The following NPHP3 variants were observed in gnomAD, a reference collection of about 807,000 sequenced individuals.
The protein encoded by NPHP3 is nephrocystin 3.
In NPHP3, 123 loss-of-function variants were observed where a neutral mutation model predicts 171.9. The observed-to-expected ratio is 0.72, with a 90% confidence interval of 0.62 to 0.83. The LOEUF is 0.83. Ranked by LOEUF, NPHP3 falls within the 40% of genes least tolerant of loss-of-function variation. The pLI, the probability that NPHP3 is intolerant of heterozygous loss-of-function variation, is 0.00. For synonymous variants in NPHP3, 558 were observed against 579.2 expected, an observed-to-expected ratio of 0.96 and a Z score of 0.52; for missense variants, 1,506 against 1,591.9, an observed-to-expected ratio of 0.95 and a Z score of 0.92.
At position 132,680,959 on chromosome 3, in the gene NPHP3, AT is replaced by A. The variant is rs1939009897; in HGVS notation, c.*950del. 6.6e-6 allele frequency: 1 copy of A among 152,216 alleles called. No individual in the cohort carries two copies. Among genetic ancestry groups the A allele is most frequent in the African/African-American group, 2.4e-5 (1 of 41,466 alleles). The allele number at this position is 152,216 out of a possible 1,614,324, so 9.4% of individuals were successfully genotyped here. A position where few individuals can be genotyped will look rare whatever the true frequency, so the allele number is the denominator to read the frequency against. On this transcript the variant is annotated 3_prime_UTR_variant, in exon 27 of 27. Coordinates refer to ENST00000337331, the MANE Select transcript of NPHP3 (RefSeq NM_153240.5). ...TGTTACTGCATTAATGACTTCAGAC[AT>A]TATGCAGATACATATACTATATAGT...
In NPHP3 at chr3:132,690,554, G is replaced by T. The variant is rs202226700; in HGVS notation, c.2667C>A (p.Leu889=). ...KQKLHDCLLN[L]FVSQNLYKRG... is the part of the protein sequence containing the mutation. ...TTTTATAAAGGTTTTGAGACACAAA[G>T]AGATTAAGAAGGCAATCATGCAGCT... The change falls in exon 19 of 27, where the codon CTC becomes CTA. Residue 889 remains leucine, a synonymous_variant. Coordinates refer to ENST00000337331, the MANE Select transcript of NPHP3 (RefSeq NM_153240.5). 19 of 1,613,522 alleles carry T rather than the reference G, an allele frequency of 1.2e-5. No homozygotes were observed. Among genetic ancestry groups the T allele is most frequent in the Non-Finnish European group, 1.5e-5 (18 of 1,179,646 alleles).
chr3:132,715,428 T>C (rs1273038229), intron 4 of NPHP3, among the ~76,000 whole-genome samples: 3 of 152,234 alleles, frequency 2.0e-5, no homozygotes, highest in Non-Finnish European at 4.4e-5. Context: ...ATGTCACCAG[T>C]GGTCTTCCCT....
chr3:132,682,105 A>C lies in NPHP3; in HGVS notation c.3813-15T>G. 6.2e-7 allele frequency: 1 copy of C among 1,609,636 alleles called. No homozygotes were observed. Among genetic ancestry groups the C allele is most frequent in the Non-Finnish European group, 8.5e-7 (1 of 1,175,956 alleles). On this transcript the variant is annotated splice_polypyrimidine_tract_variant and intron_variant, in intron 26 of 26. Coordinates refer to ENST00000337331, the MANE Select transcript of NPHP3 (RefSeq NM_153240.5). ...CTCCTTCATAGCTTTGAGAGAGAAA[A>C]CAAAAACTCTTAAAATGAGAATATA...
intron 9 of NPHP3, among the ~76,000 whole-genome samples, chr3:132,702,420 T>A (rs941960790): frequency 6.6e-6 from 1 of 152,190 alleles, no homozygotes; most frequent in Non-Finnish European, 1.5e-5. Context: ...CAGTGTAAAG[T>A]CCAAGAATTC....
At chr3:132,695,769 AC>A (rs1939436998) in intron 15 of NPHP3, among the ~76,000 whole-genome samples, 1 of 152,182 alleles carries the variant, frequency 6.6e-6, no homozygotes, top group African/African-American at 2.4e-5. Flanking sequence ...CCCCGCTTAT[AC>A]TAAAAATACA....
rs1339588306 is a variant in NPHP3, at chr3:132,683,525, C to T, written c.3571-1G>A. ...AAGGTACAGCTTTGTCAAGTTTCCC[C>T]TAAAAAACAAGAGTTAAATCTAACA... is the stretch of plus-strand genomic sequence containing the variant. On this transcript the variant is annotated splice_acceptor_variant, in intron 24 of 26. Coordinates refer to ENST00000337331, the MANE Select transcript of NPHP3 (RefSeq NM_153240.5). LOFTEE classifies it high-confidence loss of function. 6.2e-7 allele frequency: 1 copy of T among 1,611,018 alleles called. No individual in the cohort carries two copies. The highest frequency in any genetic ancestry group is 2.2e-5 in the East Asian group (1 of 44,730).
rs1406125047 is a variant in NPHP3 at position 132,704,281 on chromosome 3, G to A, written c.1441C>T (p.Leu481=). 6 of 1,614,020 alleles carry A rather than the reference G, an allele frequency of 3.7e-6. No homozygotes were observed. The highest frequency in any genetic ancestry group is 5.1e-6 in the Non-Finnish European group (6 of 1,180,020). ...TCTTGTTCATCATGTATGTCCCACA[G>A]AACATCACCAAAATCATCTTCTTCT... is the stretch of plus-strand genomic sequence containing the variant. ...IPEEDDFGDV[L]WDIHDEQEQM... is the part of the protein sequence containing the mutation. The change falls in exon 9 of 27, where the codon CTG becomes TTG. Residue 481 remains leucine, a synonymous_variant. Transcript: ENST00000337331.
Position 132,683,439 on chromosome 3 carries a change from G to C in NPHP3, c.3656C>G (p.Ala1219Gly), listed in dbSNP as rs1939080767. 6.2e-7 allele frequency: 1 copy of C among 1,613,206 alleles called. No homozygotes were observed. Among genetic ancestry groups the C allele is most frequent in the African/African-American group, 1.3e-5 (1 of 75,014 alleles). ...KSFGPKHPSVATALVNLAVLY... is the reference protein window; with the variant it reads ...KSFGPKHPSVGTALVNLAVLY... ...AACAGCTAAGTTCACCAAGGCAGTAGCTACACTAGGGTGCTTTGGGCCAAA... is the reference window on the plus strand; with the variant it reads ...AACAGCTAAGTTCACCAAGGCAGTACCTACACTAGGGTGCTTTGGGCCAAA... Residue 1219 changes from alanine (A) to glycine (G), a missense_variant, in exon 25 of 27, where the codon GCT becomes GGT. Transcript: ENST00000337331.
intron 1 of NPHP3, chr3:132,721,607 A>G (rs753368745): frequency 1.8e-5 from 7 of 393,342 alleles, no homozygotes; most frequent in Non-Finnish European, 3.4e-5. Flanking sequence ...CTTTCCGGCT[A>G]ATTTCTTCTA....
At chr3:132,696,205 C>G (rs377134751) in intron 15 of NPHP3, among the ~76,000 whole-genome samples, 2 of 151,026 alleles carry the variant, frequency 1.3e-5, no homozygotes, top group African/African-American at 4.9e-5. Flanking sequence ...AACATTCTAA[C>G]GGTTGAGAAT....
At chr3:132,683,877 CTACTT>C (rs1044122689) in intron 24 of NPHP3, among the ~76,000 whole-genome samples, 35 of 152,310 alleles carry the variant, frequency 2.3e-4, no homozygotes, top group Non-Finnish European at 2.6e-4. Context: ...ATTTTTCTAA[CTACTT>C]CACTTCACCT....
intron 15 of NPHP3, chr3:132,695,225 T>C: frequency 5.2e-6 from 2 of 385,838 alleles, no homozygotes; most frequent in Non-Finnish European, 9.6e-6. Context: ...TTATGGAACA[T>C]AAAAATGAGT....
chr3:132,719,814 T>TA lies in NPHP3; in HGVS notation c.409dup (p.Tyr137LeufsTer26). On this transcript the variant is annotated frameshift_variant, in exon 2 of 27. Transcript: ENST00000337331. LOFTEE classifies it high-confidence loss of function. ...TTCTTTTTCTCGAAGTATCTTCTGA[T>TA]ACGTTTTTTGAAGTGCCTAGAATAA... 2 of 1,593,664 alleles carry TA rather than the reference T, an allele frequency of 1.3e-6. No homozygotes were observed. Among genetic ancestry groups the TA allele is most frequent in the South Asian group, 1.1e-5 (1 of 87,938 alleles).
chr3:132,689,275 A>G lies in NPHP3; in HGVS notation c.2694-12T>C, dbSNP rs1939240282. ...CAGCAAAGTGTCCCCTGTTTCAACAAATAACAGTACTTTAATGAAAAACAC... is the reference window on the plus strand; with the variant it reads ...CAGCAAAGTGTCCCCTGTTTCAACAGATAACAGTACTTTAATGAAAAACAC... On this transcript the variant is annotated splice_polypyrimidine_tract_variant and intron_variant, in intron 19 of 26. Transcript: ENST00000337331. The G allele has an allele frequency of 6.2e-7, 1 of 1,613,610 alleles. No individual in the cohort carries two copies. Among genetic ancestry groups the G allele is most frequent in the African/African-American group, 1.3e-5 (1 of 74,932 alleles).
Position 132,691,325 on chromosome 3 carries a change from G to A in NPHP3, c.2476-39C>T, listed in dbSNP as rs374675354. 6.1e-5 allele frequency: 82 copies of A among 1,334,178 alleles called. 1 individual carries two copies. In the South Asian group the frequency reaches 6.8e-4, roughly 11 times the overall value. 82.6% of individuals were successfully genotyped at this position (1,334,178 alleles called of 1,614,324 possible). ...GAAGAAATACTGAGTTCTATTTCAC[G>A]TAAGTCACTGTACATCTAACAAGAG... On this transcript the variant is annotated intron_variant, in intron 17 of 26. Coordinates refer to ENST00000337331, the MANE Select transcript of NPHP3 (RefSeq NM_153240.5).
chr3:132,707,028 G>C (rs1434262783), intron 7 of NPHP3, among the ~76,000 whole-genome samples: 1 of 152,040 alleles, frequency 6.6e-6, no homozygotes. Flanking sequence ...TTCTTGGCTG[G>C]GCACAGGGAA....
intron 7 of NPHP3, 48 bp from the exon 8 acceptor site, chr3:132,705,862 AG>A: frequency 1.0e-6 from 1 of 1,003,210 alleles, no homozygotes; most frequent in South Asian, 1.3e-5. Flanking sequence ...TAATATCAGA[AG>A]GAAGTGGTGG....
In NPHP3 at chr3:132,685,003, A is replaced by T. The variant is rs529498963; in HGVS notation, c.3330-209T>A. ...CAGTTTGAGGGCCTAAAATGTGTGGATGATTGCCTCAATTCTCCACTTCTG... is the reference window on the plus strand; with the variant it reads ...CAGTTTGAGGGCCTAAAATGTGTGGTTGATTGCCTCAATTCTCCACTTCTG... On this transcript the variant is annotated intron_variant, in intron 23 of 26. Transcript: ENST00000337331. 2.0e-4 allele frequency: 111 copies of T among 554,926 alleles called. 1 individual carries two copies. The highest frequency in any genetic ancestry group is 3.2e-6 in the Non-Finnish European group (1 of 313,254). 34.4% of individuals were successfully genotyped at this position (554,926 alleles called of 1,614,324 possible). A position where few individuals can be genotyped will look rare whatever the true frequency, so the allele number is the denominator to read the frequency against.
intron 26 of NPHP3, 53 bp from the exon 27 acceptor site, chr3:132,682,143 T>C (rs1939047183): frequency 6.7e-7 from 1 of 1,498,158 alleles, no homozygotes; most frequent in African/African-American, 1.4e-5. Flanking sequence ...CTCTTACCAA[T>C]TCAAAATGAC....
Sources: gnomAD v4.1 joint callset for allele counts (sites outside exome capture counted in the v4.1 genomes callset) on GRCh38, gnomAD v4.1.1 for gene constraint, MANE v1.5 for transcripts, NCBI Gene and HGNC (gene_info 2026-07-23, HGNC 2026-07-21) for gene names.